Variants in ZMAT4 observed in about 807,000 individuals in gnomAD.
ZMAT4 encodes the protein zinc finger matrin-type protein 4.
Under a neutral mutation model 28.7 loss-of-function variants are expected in ZMAT4, and 17 were observed. The ratio of observed to expected loss-of-function variants is 0.59; its 90% confidence interval spans 0.41 to 0.89. ZMAT4 has a LOEUF of 0.89. ZMAT4 is among the 40% of genes least tolerant of loss of function. The pLI is 0.00. For synonymous variants in ZMAT4, 117 were observed against 109.2 expected, an observed-to-expected ratio of 1.07 and a Z score of -0.44; for missense variants, 240 against 283.8, an observed-to-expected ratio of 0.85 and a Z score of 1.11.
intron 1 of ZMAT4, among the ~76,000 whole-genome samples, chr8:40,844,767 G>T (rs960185489): frequency 1.3e-5 from 2 of 151,492 alleles, no homozygotes; most frequent in Admixed American, 6.6e-5. Flanking sequence ...ATTCCAAAGT[G>T]ATCCCACATT....
intron 5 of ZMAT4, among the ~76,000 whole-genome samples, chr8:40,641,355 A>C (rs1807018942): frequency 6.6e-6 from 1 of 152,226 alleles, no homozygotes; most frequent in Non-Finnish European, 1.5e-5. Context: ...TGGAAAAAAC[A>C]TTTACATTTA....
intron 1 of ZMAT4, among the ~76,000 whole-genome samples, chr8:40,829,900 G>A (rs1001366005): frequency 6.6e-6 from 1 of 152,042 alleles, no homozygotes; most frequent in Non-Finnish European, 1.5e-5. Context: ...ATAATAGGAG[G>A]GGCATAGGTG....
At chr8:40,556,339 A>G (rs1361756664) in intron 6 of ZMAT4, among the ~76,000 whole-genome samples, 1 of 152,066 alleles carries the variant, frequency 6.6e-6, no homozygotes, top group African/African-American at 2.4e-5. Context: ...CATGAATACA[A>G]TTCAACTCAT....
chr8:40,873,563 C>A (rs1331474873), intron 1 of ZMAT4, among the ~76,000 whole-genome samples: 1 of 152,136 alleles, frequency 6.6e-6, no homozygotes, highest in Non-Finnish European at 1.5e-5. Context: ...CCTTACTAGG[C>A]AAGATGGCTT....
intron 5 of ZMAT4, among the ~76,000 whole-genome samples, chr8:40,613,730 G>A (rs572210361): frequency 6.6e-6 from 1 of 152,264 alleles, no homozygotes; most frequent in East Asian, 1.9e-4. Context: ...CCCTGAAAGT[G>A]CCAGGCCAGG....
chr8:40,686,095 C>A (rs1412056614), intron 4 of ZMAT4, among the ~76,000 whole-genome samples: 1 of 152,078 alleles, frequency 6.6e-6, no homozygotes, highest in African/African-American at 2.4e-5. Flanking sequence ...CTGTGCCCTG[C>A]CTTAGGTATA....
chr8:40,880,559 T>A (rs1297702674), intron 1 of ZMAT4, among the ~76,000 whole-genome samples: 4 of 152,144 alleles, frequency 2.6e-5, no homozygotes, highest in Non-Finnish European at 4.4e-5. Context: ...TTGTTGGAAT[T>A]CTTATTGGTG....
chr8:40,850,743 G>GTA (rs1563526684), intron 1 of ZMAT4, among the ~76,000 whole-genome samples: 18 of 152,090 alleles, frequency 1.2e-4, no homozygotes, highest in Non-Finnish European at 1.9e-4. Flanking sequence ...GAGACATTAC[G>GTA]TAAACCCTCA....
chr8:40,810,821 A>C (rs567022722), intron 2 of ZMAT4, among the ~76,000 whole-genome samples: 1 of 152,332 alleles, frequency 6.6e-6, no homozygotes, highest in South Asian at 2.1e-4. Context: ...GGAATATAGG[A>C]GGAAATAAAA....
chr8:40,778,378 CCTAT>C (rs1027148843), intron 2 of ZMAT4, among the ~76,000 whole-genome samples: 1 of 152,144 alleles, frequency 6.6e-6, no homozygotes, highest in Non-Finnish European at 1.5e-5. Context: ...CACAGAACAG[CCTAT>C]CTGTTGCTCC....
chr8:40,612,221 A>C (rs1252163100), intron 5 of ZMAT4, among the ~76,000 whole-genome samples: 7 of 88,518 alleles, frequency 7.9e-5, no homozygotes, highest in South Asian at 3.2e-4. Context: ...GCTCATTCAT[A>C]TCCTCTGTCT....
chr8:40,625,823 C>CT (rs1387532944), intron 5 of ZMAT4, among the ~76,000 whole-genome samples: 15 of 53,532 alleles, frequency 2.8e-4, no homozygotes, highest in Non-Finnish European at 3.6e-4. Flanking sequence ...AAAGACCAGA[C>CT]TGGGGGGCTG....
At chr8:40,664,741 T>G (rs1397127339) in intron 5 of ZMAT4, among the ~76,000 whole-genome samples, 1 of 152,192 alleles carries the variant, frequency 6.6e-6, no homozygotes, top group Non-Finnish European at 1.5e-5. Context: ...GCCACTAAGT[T>G]TGGAGGTAAT....
chr8:40,694,799 G>C (rs6988184), intron 4 of ZMAT4, among the ~76,000 whole-genome samples: 148,350 of 152,266 alleles, frequency 0.97, 72,380 homozygotes, highest in East Asian at 1. Context: ...AACCAGAACC[G>C]CCTTTTCCCC....
chr8:40,565,227 A>G (rs1245841481), intron 6 of ZMAT4, among the ~76,000 whole-genome samples: 2 of 152,284 alleles, frequency 1.3e-5, no homozygotes, highest in East Asian at 3.9e-4. Flanking sequence ...TCAAATCCTC[A>G]TATATAAGTG....
intron 2 of ZMAT4, among the ~76,000 whole-genome samples, chr8:40,823,003 C>A (rs1815887166): frequency 6.6e-6 from 1 of 152,140 alleles, no homozygotes; most frequent in African/African-American, 2.4e-5. Flanking sequence ...AATCAAATAA[C>A]TAAACACTTC....
chr8:40,747,928 A>AT (rs939456951), intron 3 of ZMAT4, among the ~76,000 whole-genome samples: 1 of 152,160 alleles, frequency 6.6e-6, no homozygotes, highest in African/African-American at 2.4e-5. Flanking sequence ...ATGAAACAAG[A>AT]TTTTTTTCTT....
intron 5 of ZMAT4, among the ~76,000 whole-genome samples, chr8:40,601,634 G>T (rs1169243817): frequency 3.7e-5 from 1 of 26,862 alleles, no homozygotes; most frequent in African/African-American, 9.7e-5. Flanking sequence ...AAGAAAGAAA[G>T]AGAAAGAAAG....
chr8:40,630,265 T>C (rs369976978), intron 5 of ZMAT4, among the ~76,000 whole-genome samples: 2 of 152,318 alleles, frequency 1.3e-5, no homozygotes, highest in East Asian at 3.9e-4. Flanking sequence ...TTCAAATGTC[T>C]CTCCTGCCTA....
Sources: allele counts gnomAD v4.1 joint callset (sites outside exome capture counted in the v4.1 genomes callset), GRCh38; gene constraint gnomAD v4.1.1; transcripts MANE v1.5; gene names NCBI Gene and HGNC (gene_info 2026-07-23, HGNC 2026-07-21).